The following CALD1 variants were observed in gnomAD, a reference collection of about 807,000 sequenced individuals.
The protein encoded by CALD1 is caldesmon.
A neutral mutation model predicts 99.9 loss-of-function variants in CALD1; 33 were observed. That is an observed-to-expected ratio of 0.33 (90% CI 0.25 to 0.44). The LOEUF (loss-of-function observed/expected upper bound fraction) is 0.44. Ranked by LOEUF, CALD1 falls within the 20% of genes least tolerant of loss-of-function variation. The pLI is 1.00. For synonymous variants in CALD1, 310 were observed against 325.0 expected (o/e 0.95, Z 0.50); for missense variants, 861 against 962.1 (o/e 0.89, Z 1.39).
chr7:134,857,400 G>A (rs988783100), intron 2 of CALD1, among the ~76,000 whole-genome samples: 2 of 151,320 alleles, frequency 1.3e-5, no homozygotes, highest in African/African-American at 2.4e-5. Flanking sequence ...CTCGTGATCC[G>A]CCCGCCTCGG....
intron 2 of CALD1, among the ~76,000 whole-genome samples, chr7:134,861,817 T>G (rs1800576416): frequency 1.3e-5 from 2 of 152,170 alleles, no homozygotes; most frequent in African/African-American, 4.8e-5. Flanking sequence ...TGGTTTTGAG[T>G]GTTCCAAGAC....
intron 1 of CALD1, among the ~76,000 whole-genome samples, chr7:134,761,968 C>T (rs1796782437): frequency 6.6e-6 from 1 of 152,170 alleles, no homozygotes; most frequent in Admixed American, 6.5e-5. Flanking sequence ...GTTTGGCTCC[C>T]TACCATCAGG....
intron 3 of CALD1, among the ~76,000 whole-genome samples, chr7:134,883,355 T>A (rs1801695795): frequency 6.6e-6 from 1 of 152,094 alleles, no homozygotes; most frequent in African/African-American, 2.4e-5. Flanking sequence ...TGTCGGCTAT[T>A]TTTTTTAAGT....
intron 1 of CALD1, among the ~76,000 whole-genome samples, chr7:134,800,622 C>G (rs903246842): frequency 1.3e-5 from 2 of 151,814 alleles, no homozygotes; most frequent in African/African-American, 4.8e-5. Context: ...TAAAGTGGGT[C>G]TCATTAATAG....
At chr7:134,806,153 A>T (rs555189024) in intron 1 of CALD1, among the ~76,000 whole-genome samples, 2 of 152,332 alleles carry the variant, frequency 1.3e-5, no homozygotes, top group Non-Finnish European at 2.9e-5. Context: ...TTGCAGAGCC[A>T]TCCCCATGGC....
chr7:134,929,619 T>TACACACACATATACACACAC lies in CALD1; in HGVS notation c.218+721_218+722insACACACATATACACACACAC, dbSNP rs565848260. On this transcript the variant is annotated intron_variant, in intron 4 of 14. Coordinates refer to ENST00000361675, the MANE Select transcript of CALD1 (RefSeq NM_033138.4). ...TAGTATTCCATGGTGTGTGTATATA[T>TACACACACATATACACACAC]ACGTGTGTGTGTGTGTGTGTGTGTG... Among the ~76,000 whole-genome samples the TACACACACATATACACACAC allele has an allele frequency of 5.6e-4, 12 of 21,366 alleles. 3 individuals are homozygous for TACACACACATATACACACAC. Among genetic ancestry groups the TACACACACATATACACACAC allele is most frequent in the South Asian group, 1.8e-3 (1 of 562 alleles). The allele number at this position is 21,366 out of a possible 152,430, so 14.0% of individuals were successfully genotyped here. A position where few individuals can be genotyped will look rare whatever the true frequency, so the allele number is the denominator to read the frequency against.
chr7:134,862,688 G>A (rs1800615221), intron 2 of CALD1, among the ~76,000 whole-genome samples: 1 of 152,172 alleles, frequency 6.6e-6, no homozygotes, highest in African/African-American at 2.4e-5. Flanking sequence ...ATGAAACTGT[G>A]CAACAAAGAG....
chr7:134,721,681 A>G, the CALD1 span, among the ~76,000 whole-genome samples: 6 of 152,074 alleles, frequency 3.9e-5, no homozygotes, highest in African/African-American at 1.2e-4. Flanking sequence ...GTGTGACCTC[A>G]GGCCAGTTAT....
intron 3 of CALD1, among the ~76,000 whole-genome samples, chr7:134,916,382 C>A (rs1311845800): frequency 6.6e-6 from 1 of 152,038 alleles, no homozygotes; most frequent in Non-Finnish European, 1.5e-5. Context: ...GGAAAGGAGC[C>A]CTGGGAAGGA....
chr7:134,915,444 T>C (rs1342877964), intron 3 of CALD1, among the ~76,000 whole-genome samples: 1 of 152,204 alleles, frequency 6.6e-6, no homozygotes, highest in Non-Finnish European at 1.5e-5. Flanking sequence ...GTAACAAGTT[T>C]AAGGAATTAA....
intron 13 of CALD1, among the ~76,000 whole-genome samples, chr7:134,964,655 G>C (rs1371430156): frequency 1.3e-5 from 2 of 152,160 alleles, no homozygotes; most frequent in African/African-American, 4.8e-5. Context: ...AAGTAGTAAG[G>C]GCTGGGGGGA....
chr7:134,945,418 T>C (rs952056415), intron 7 of CALD1, among the ~76,000 whole-genome samples: 3 of 152,214 alleles, frequency 2.0e-5, no homozygotes, highest in Non-Finnish European at 4.4e-5. Context: ...CATTGTTTCA[T>C]AACAAAACGT....
chr7:134,840,547 C>G (rs139405967), intron 1 of CALD1, among the ~76,000 whole-genome samples: 7 of 152,312 alleles, frequency 4.6e-5, no homozygotes, highest in African/African-American at 1.7e-4. Flanking sequence ...ACAAGCTATT[C>G]CATTTAGGCA....
At chr7:134,812,036 A>G (rs561122245) in intron 1 of CALD1, among the ~76,000 whole-genome samples, 2 of 152,340 alleles carry the variant, frequency 1.3e-5, no homozygotes, top group South Asian at 4.1e-4. Context: ...TCCACTCGGC[A>G]TCTTGGCAAC....
At chr7:134,803,673 T>A (rs1300777347) in intron 1 of CALD1, among the ~76,000 whole-genome samples, 1 of 150,096 alleles carries the variant, frequency 6.7e-6, no homozygotes, top group Non-Finnish European at 1.5e-5. Flanking sequence ...AAATCATTCA[T>A]CTCCTGCATA....
At chr7:134,838,061 T>C (rs1264571013) in intron 1 of CALD1, among the ~76,000 whole-genome samples, 12 of 152,240 alleles carry the variant, frequency 7.9e-5, no homozygotes, top group Admixed American at 7.8e-4. Flanking sequence ...CACTGAATAA[T>C]TGACTTTTTC....
intron 1 of CALD1, among the ~76,000 whole-genome samples, chr7:134,821,438 C>A (rs944204925): frequency 6.6e-6 from 1 of 151,996 alleles, no homozygotes; most frequent in Non-Finnish European, 1.5e-5. Flanking sequence ...CTATTTCTAC[C>A]TATCCATCTA....
At chr7:134,735,542 T>A in the CALD1 span, among the ~76,000 whole-genome samples, 1 of 151,476 alleles carries the variant, frequency 6.6e-6, no homozygotes, top group South Asian at 2.1e-4. Flanking sequence ...TATTTCTCTC[T>A]TTCTTTCCCT....
intron 4 of CALD1, among the ~76,000 whole-genome samples, chr7:134,929,140 A>G (rs1423695631): frequency 1.3e-5 from 2 of 152,200 alleles, no homozygotes; most frequent in Non-Finnish European, 2.9e-5. Context: ...AACATACCCC[A>G]GTTGAAGGCT....
Sources: gnomAD v4.1 joint callset for allele counts (sites outside exome capture counted in the v4.1 genomes callset) on GRCh38, gnomAD v4.1.1 for gene constraint, MANE v1.5 for transcripts, NCBI Gene and HGNC (gene_info 2026-07-23, HGNC 2026-07-21) for gene names.